Variants in BNC2 observed in about 807,000 individuals in gnomAD.
BNC2 encodes zinc finger protein basonuclin-2.
In BNC2, 20 loss-of-function variants were observed where a neutral mutation model predicts 76.3. The ratio of observed to expected loss-of-function variants is 0.26; its 90% CI spans 0.18 to 0.38. BNC2 has a LOEUF of 0.38. BNC2 is among the 10% of genes least tolerant of loss of function. BNC2 has a pLI of 1.00. For missense variants in BNC2, 1,382 were observed against 1,399.8 expected (o/e 0.99, Z 0.20); for synonymous variants, 582 against 514.8 (o/e 1.13, Z -1.77).
intron 3 of BNC2, among the ~76,000 whole-genome samples, chr9:16,649,132 T>A (rs948866513): frequency 5.3e-5 from 8 of 151,952 alleles, no homozygotes; most frequent in African/African-American, 1.9e-4. Flanking sequence ...TGTGCGCACA[T>A]CAAGTGAAAG....
intron 1 of BNC2, among the ~76,000 whole-genome samples, chr9:16,816,754 A>T (rs1449663152): frequency 6.6e-6 from 1 of 152,186 alleles, no homozygotes; most frequent in Non-Finnish European, 1.5e-5. Flanking sequence ...GCCCTACTCC[A>T]AACTGGGAGG....
At chr9:16,631,662 C>A (rs1821165006) in intron 3 of BNC2, among the ~76,000 whole-genome samples, 1 of 152,114 alleles carries the variant, frequency 6.6e-6, no homozygotes, top group Non-Finnish European at 1.5e-5. Flanking sequence ...CGTGGCCTAC[C>A]ATCGTGTCCA....
At position 16,474,871 on chromosome 9, in the gene BNC2, C is replaced by T. The variant is rs182091824; in HGVS notation, c.670-37347G>A. ...CCCATGATGAACACCACATGGTGGG[C>T]TCATCTTGGGAGCTCTCTATCAAAA... On this transcript the variant is annotated intron_variant, in intron 5 of 6. Transcript: ENST00000380672. Among the ~76,000 whole-genome samples, 45 of 152,170 alleles carry T rather than the reference C, an allele frequency of 3.0e-4. 2 individuals are homozygous for T. Among genetic ancestry groups the T allele is most frequent in the Admixed American group, 2.9e-3 (45 of 15,284 alleles).
At chr9:16,845,752 T>A (rs959587023) in intron 1 of BNC2, among the ~76,000 whole-genome samples, 7 of 152,116 alleles carry the variant, frequency 4.6e-5, no homozygotes, top group African/African-American at 1.4e-4. Context: ...AGGAAAATTA[T>A]ACCAAGAATC....
intron 5 of BNC2, among the ~76,000 whole-genome samples, chr9:16,486,309 A>T (rs1165697144): frequency 5.9e-5 from 9 of 152,206 alleles, no homozygotes; most frequent in Admixed American, 5.9e-4. Flanking sequence ...AAGTGTTAGG[A>T]CAGTAATTAT....
chr9:16,674,696 T>C (rs1822583820), intron 3 of BNC2, among the ~76,000 whole-genome samples: 3 of 152,204 alleles, frequency 2.0e-5, no homozygotes, highest in Admixed American at 2.0e-4. Context: ...AACGACCCTA[T>C]CTATTCAGCT....
chr9:16,457,445 C>T (rs190521213), intron 5 of BNC2, among the ~76,000 whole-genome samples: 9 of 152,300 alleles, frequency 5.9e-5, no homozygotes, highest in Admixed American at 5.2e-4. Flanking sequence ...AAAGCAGCAT[C>T]AGCACAGGGC....
intron 5 of BNC2, among the ~76,000 whole-genome samples, chr9:16,470,052 C>A (rs1308266557): frequency 7.2e-6 from 1 of 138,392 alleles, no homozygotes; most frequent in Non-Finnish European, 1.5e-5. Context: ...GGCTGGAGTG[C>A]AGTGGCATGA....
chr9:16,821,110 G>A (rs544576537), intron 1 of BNC2, among the ~76,000 whole-genome samples: 1 of 151,934 alleles, frequency 6.6e-6, no homozygotes, highest in Non-Finnish European at 1.5e-5. Context: ...GCACGCACCT[G>A]TAATCCCAGC....
At position 16,583,094 on chromosome 9, in the gene BNC2, T is replaced by TA; in HGVS notation, c.331-10dup. The TA allele has an allele frequency of 6.2e-7, 1 of 1,611,418 alleles. No homozygotes were observed. The highest frequency in any genetic ancestry group is 1.1e-5 in the South Asian group (1 of 91,026). On this transcript the variant is annotated splice_polypyrimidine_tract_variant and intron_variant, in intron 3 of 6. Transcript: ENST00000380672. ...AGTGTGCAACGGATGGCCTGAAAAA[T>TA]AAAGGAGGAAAAAAAGGTCAGCATC...
intron 2 of BNC2, among the ~76,000 whole-genome samples, chr9:16,733,337 A>T (rs956978272): frequency 2.6e-5 from 4 of 152,202 alleles, no homozygotes; most frequent in African/African-American, 9.6e-5. Flanking sequence ...TGCCATCCTT[A>T]CTTTATTGTG....
At position 16,781,733 on chromosome 9, in the gene BNC2, T is replaced by C. The variant is rs541321790; in HGVS notation, c.4-43248A>G. ...CAATACAAGTATATTGGAAAATATA[T>C]AATAAATGATGTATAAATGAATAAT... On this transcript the variant is annotated intron_variant, in intron 1 of 6. Transcript: ENST00000380672. Among the ~76,000 whole-genome samples the C allele has an allele frequency of 5.6e-4, 86 of 152,306 alleles. 1 individual carries two copies. The South Asian group carries it at 0.014, about 25-fold the overall frequency.
intron 1 of BNC2, among the ~76,000 whole-genome samples, chr9:16,857,480 TAAAAAAAAAAAAAA>T (rs60082380): frequency 1.3e-5 from 1 of 75,690 alleles, no homozygotes; most frequent in Non-Finnish European, 2.5e-5. Flanking sequence ...CTGTCTCAAA[TAAAAAAAAAAAAAA>T]AAAAAAAAAA....
chr9:16,828,159 T>C (rs1341007510), intron 1 of BNC2, among the ~76,000 whole-genome samples: 3 of 152,214 alleles, frequency 2.0e-5, no homozygotes, highest in Non-Finnish European at 4.4e-5. Context: ...TGCATGCTAC[T>C]TAAAATGTGA....
chr9:16,709,865 G>A (rs1015894576), intron 3 of BNC2, among the ~76,000 whole-genome samples: 2 of 152,132 alleles, frequency 1.3e-5, no homozygotes, highest in Non-Finnish European at 2.9e-5. Flanking sequence ...TCAAGAAAGT[G>A]TTTTAATTAA....
intron 5 of BNC2, among the ~76,000 whole-genome samples, chr9:16,464,315 G>A (rs1458536232): frequency 6.6e-6 from 1 of 152,048 alleles, no homozygotes; most frequent in Admixed American, 6.6e-5. Context: ...TGCTCCAAGA[G>A]TACAGTGTCT....
intron 3 of BNC2, among the ~76,000 whole-genome samples, chr9:16,628,996 G>A (rs1241145072): frequency 6.6e-6 from 1 of 152,084 alleles, no homozygotes; most frequent in East Asian, 1.9e-4. Flanking sequence ...TACCATCTCA[G>A]GCTTGTTCTG....
chr9:16,734,792 A>C (rs1267547969), intron 2 of BNC2, among the ~76,000 whole-genome samples: 1 of 152,222 alleles, frequency 6.6e-6, no homozygotes. Context: ...AGACTTCATT[A>C]CATGCCCTTA....
intron 5 of BNC2, among the ~76,000 whole-genome samples, chr9:16,484,989 T>C: frequency 6.6e-6 from 1 of 152,252 alleles, no homozygotes; most frequent in Non-Finnish European, 1.5e-5. Flanking sequence ...TCCCTGTGGT[T>C]ATAATTACAA....
Sources: allele counts gnomAD v4.1 joint callset (sites outside exome capture counted in the v4.1 genomes callset), GRCh38; gene constraint gnomAD v4.1.1; transcripts MANE v1.5; gene names NCBI Gene and HGNC (gene_info 2026-07-23, HGNC 2026-07-21).